The following LLGL2 variants were observed in gnomAD, a reference collection of about 807,000 sequenced individuals.
The protein encoded by LLGL2 is LLGL scribble cell polarity complex component 2, also known as LLGL2, scribble cell polarity complex component.
In LLGL2, 81 loss-of-function variants were observed where a neutral mutation model predicts 123.2. That is an observed-to-expected ratio of 0.66 (90% CI 0.55 to 0.79). The LOEUF is 0.79. Ranked by LOEUF, LLGL2 falls within the 30% of genes least tolerant of loss-of-function variation. The pLI, the probability that LLGL2 is intolerant of heterozygous loss-of-function variation, is 0.00. For synonymous variants in LLGL2, 577 were observed against 594.1 expected (o/e 0.97, Z 0.42); for missense variants, 1,273 against 1,414.6 (o/e 0.90, Z 1.61).
chr17:75,569,524 C>T (rs1158759115), intron 14 of LLGL2, among the ~76,000 whole-genome samples, 199 bp downstream of exon 14: 2 of 152,238 alleles, frequency 1.3e-5, no homozygotes, highest in East Asian at 1.9e-4. Context: ...AGGGCTGGGC[C>T]GGGCACGGTG....
In LLGL2 at chr17:75,568,593, C is replaced by T; in HGVS notation, c.1154C>T (p.Ser385Phe). Residue 385 changes from serine (S) to phenylalanine (F), a missense_variant, in exon 11 of 26, where the codon TCC (serine) becomes TTC (phenylalanine). By Grantham distance (155) the Ser-to-Phe change is radical. Transcript: ENST00000392550. ...QLPYLASLHC[S>F]AITCSHHVSN... ...CCCTACCTGGCTTCTCTGCACTGTT[C>T]CGCCATCACCTGCTCTCACCACGTC... The T allele has an allele frequency of 6.2e-7, 1 of 1,613,982 alleles. No homozygotes were observed.
intron 16 of LLGL2, 21 bp from the exon 17 acceptor site, chr17:75,570,929 A>G (rs371197955): frequency 1.7e-5 from 27 of 1,594,048 alleles, no homozygotes; most frequent in Non-Finnish European, 2.1e-5. Flanking sequence ...GCTGACCCTT[A>G]GGCTGGCCCA....
Position 75,558,192 on chromosome 17 carries a change from CAGG to C in LLGL2, c.214_216del (p.Glu72del). 1.2e-6 allele frequency: 2 copies of C among 1,613,778 alleles called. No homozygotes were observed. The highest frequency in any genetic ancestry group is 1.7e-6 in the Non-Finnish European group (2 of 1,179,998). On this transcript the variant is annotated inframe_deletion, in exon 4 of 26. Transcript: ENST00000392550. This position sits in a 1 kb window ranked among gnomAD's most constrained non-coding sequence, Gnocchi z 4.0. Reference sequence around the variant, plus strand: ...AGGCGTGGAGTTCATGGGGCTGCACCAGGAGAACAACGCTGTGACGCAGATCCA... The same window carrying C: ...AGGCGTGGAGTTCATGGGGCTGCACCAGAACAACGCTGTGACGCAGATCCA...
intron 1 of LLGL2, among the ~76,000 whole-genome samples, chr17:75,527,835 G>A (rs1231955506): frequency 2.0e-5 from 3 of 151,612 alleles, no homozygotes; most frequent in Non-Finnish European, 4.4e-5. Context: ...GGAGTGCAGT[G>A]GTGCAATCAC....
In LLGL2 at chr17:75,564,038, C is replaced by T. The variant is rs892427262; in HGVS notation, c.881+232C>T. On this transcript the variant is annotated intron_variant, in intron 9 of 25. Coordinates refer to ENST00000392550, the MANE Select transcript of LLGL2 (RefSeq NM_001031803.2). This position sits in a 1 kb window ranked among gnomAD's most constrained non-coding sequence, Gnocchi z 4.9. ...CTTCCACCTTCCCAGAGAGACGGTACTGAGCAGCAGGTCTTAAACTCCTTT... is the reference window on the plus strand; with the variant it reads ...CTTCCACCTTCCCAGAGAGACGGTATTGAGCAGCAGGTCTTAAACTCCTTT... Among the ~76,000 whole-genome samples the T allele has an allele frequency of 6.6e-6, 1 of 152,220 alleles. No homozygotes were observed. Among genetic ancestry groups the T allele is most frequent in the African/African-American group, 2.4e-5 (1 of 41,440 alleles).
chr17:75,538,894 CTTTTTCTTTT>C (rs2054104862), intron 1 of LLGL2, among the ~76,000 whole-genome samples: 1 of 150,084 alleles, frequency 6.7e-6, no homozygotes, highest in Non-Finnish European at 1.5e-5. Flanking sequence ...CTTTTTCTTT[CTTTTTCTTTT>C]TTTTAGAAAC....
At chr17:75,568,236 A>T in intron 10 of LLGL2, 1 of 1,412,478 alleles carries the variant, frequency 7.1e-7, no homozygotes, top group Non-Finnish European at 9.2e-7. Context: ...CCTGCCTTCC[A>T]GCCAGGTGTA....
At chr17:75,563,638 C>A (rs2055322243) in intron 8 of LLGL2, 114 bp from the exon 9 acceptor site, 1 of 1,481,596 alleles carries the variant, frequency 6.7e-7, no homozygotes. Context: ...GCAAGATTCC[C>A]AAGCACAGGT....
chr17:75,530,744 G>A (rs993702897), intron 1 of LLGL2, among the ~76,000 whole-genome samples: 3 of 152,138 alleles, frequency 2.0e-5, no homozygotes, highest in Non-Finnish European at 4.4e-5. Flanking sequence ...CCAAGAGTTT[G>A]AGGCTGCAGT....
intron 6 of LLGL2, among the ~76,000 whole-genome samples, chr17:75,561,901 A>G: frequency 6.6e-6 from 1 of 152,090 alleles, no homozygotes; most frequent in South Asian, 2.1e-4. Context: ...CAGCCTGGGC[A>G]ACAGAGCGAG....
chr17:75,530,714 C>T (rs1050525158), intron 1 of LLGL2, among the ~76,000 whole-genome samples: 5 of 150,892 alleles, frequency 3.3e-5, no homozygotes, highest in Admixed American at 1.3e-4. Flanking sequence ...TACATGGGAT[C>T]GTAGGAGGAT....
intron 17 of LLGL2, chr17:75,571,424 C>T (rs912802257): frequency 1.2e-5 from 7 of 586,336 alleles, no homozygotes; most frequent in South Asian, 4.3e-5. Flanking sequence ...CTGTGACGAT[C>T]GGGGACAGCA....
chr17:75,525,453 G>A (rs952090080), upstream of LLGL2, among the ~76,000 whole-genome samples: 8 of 151,962 alleles, frequency 5.3e-5, no homozygotes, highest in Admixed American at 2.6e-4. This position sits in a 1 kb window ranked among gnomAD's most constrained non-coding sequence, Gnocchi z 4.8. Context: ...CACTGGGCGC[G>A]GCGCGCCGTT....
chr17:75,570,296 C>A, intron 15 of LLGL2, 41 bp downstream of exon 15: 1 of 1,599,698 alleles, frequency 6.3e-7, no homozygotes, highest in Non-Finnish European at 8.5e-7. Context: ...GGAGTGGGGC[C>A]CGCGAGGACT....
intron 8 of LLGL2, 46 bp from the exon 9 acceptor site, chr17:75,563,706 G>A (rs1263154329): frequency 6.2e-7 from 1 of 1,607,736 alleles, no homozygotes; most frequent in Admixed American, 1.7e-5. Context: ...ACTGACACTT[G>A]TCTGAGAGTT....
In LLGL2 at chr17:75,525,707, T is replaced by A. The variant is rs971525693; in HGVS notation, c.-149T>A. ...CGCCCCAGGCTCGCCGCGCCGGAGG[T>A]GAGCAGGAAGGAGACGGCCGCCCAG... On this transcript the variant is annotated 5_prime_UTR_variant, in exon 1 of 26. Transcript: ENST00000392550. This position sits in a 1 kb window ranked among gnomAD's most constrained non-coding sequence, Gnocchi z 4.8. The A allele has an allele frequency of 1.3e-5, 2 of 149,610 alleles. No individual in the cohort carries two copies. Among genetic ancestry groups the A allele is most frequent in the Non-Finnish European group, 3.0e-5 (2 of 67,182 alleles). The allele number at this position is 149,610 out of a possible 1,614,324, so 9.3% of individuals were successfully genotyped here. A position where few individuals can be genotyped will look rare whatever the true frequency, so the allele number is the denominator to read the frequency against.
At chr17:75,555,876 G>A (rs1223050310) in intron 2 of LLGL2, among the ~76,000 whole-genome samples, 170 bp from the exon 3 acceptor site, 2 of 152,182 alleles carry the variant, frequency 1.3e-5, no homozygotes, top group African/African-American at 4.8e-5. Context: ...GGGACAGGGG[G>A]TGGGGCCTGG....
chr17:75,570,144 CG>C lies in LLGL2; in HGVS notation c.1765del (p.Ala589LeufsTer135). Reference protein sequence around the residue: ...QPFVLVQCQPPAVVTSLALHS... With the variant: ...QPFVLVQCQPXAVVTSLALHS... ...TTCGTGTTGGTGCAGTGTCAGCCCC[CG>C]GCTGTGGTCACCTCCTTGGCCCTGC... On this transcript the variant is annotated frameshift_variant, in exon 15 of 26. Coordinates refer to ENST00000392550, the MANE Select transcript of LLGL2 (RefSeq NM_001031803.2). LOFTEE classifies it high-confidence loss of function. The C allele has an allele frequency of 6.3e-7, 1 of 1,590,640 alleles. No homozygotes were observed. Among genetic ancestry groups the C allele is most frequent in the Non-Finnish European group, 8.6e-7 (1 of 1,169,298 alleles).
chr17:75,526,109 G>T (rs1199436489), intron 1 of LLGL2, among the ~76,000 whole-genome samples: 1 of 152,188 alleles, frequency 6.6e-6, no homozygotes, highest in African/African-American at 2.4e-5. Flanking sequence ...GAGAACAGGT[G>T]CCCCGGCCGG....
Sources: gnomAD v4.1 joint callset for allele counts (sites outside exome capture counted in the v4.1 genomes callset) on GRCh38, gnomAD v4.1.1 for gene constraint, Gnocchi (gnomAD v3.1) non-coding constraint, MANE v1.5 for transcripts, NCBI Gene and HGNC (gene_info 2026-07-23, HGNC 2026-07-21) for gene names.